Variants in IGF2R observed in about 807,000 individuals in gnomAD.
IGF2R encodes the protein insulin like growth factor 2 receptor, also known as cation-independent mannose-6-phosphate receptor.
Under a neutral mutation model 270.6 loss-of-function variants are expected in IGF2R, and 91 were observed. The observed-to-expected ratio is 0.34, with a 90% confidence interval of 0.28 to 0.40. The LOEUF is 0.40. IGF2R is among the 10% of genes least tolerant of loss of function. The pLI is 1.00. For missense variants in IGF2R, 2,805 were observed against 3,188.3 expected (o/e 0.88, Z 2.90); for synonymous variants, 1,316 against 1,258.9 (o/e 1.05, Z -0.96).
At chr6:160,024,468 A>G (rs1032377328) in intron 4 of IGF2R, 104 bp from the exon 5 acceptor site, 5 of 1,094,776 alleles carry the variant, frequency 4.6e-6, no homozygotes, top group African/African-American at 1.6e-5. Flanking sequence ...ATAGCATGAT[A>G]GTCCCTAAGG....
chr6:160,089,478 C>A (rs961307518), intron 43 of IGF2R, among the ~76,000 whole-genome samples: 10 of 152,232 alleles, frequency 6.6e-5, no homozygotes. Context: ...AATAAATCCC[C>A]CGTCCTTCTC....
intron 19 of IGF2R, among the ~76,000 whole-genome samples, chr6:160,054,986 C>G (rs574090630): frequency 6.6e-6 from 1 of 152,210 alleles, no homozygotes; most frequent in Admixed American, 6.5e-5. Context: ...GGCTAACACT[C>G]TTTTTCCTGA....
chr6:160,087,055 T>C lies in IGF2R; in HGVS notation c.6206-978T>C, dbSNP rs546788574. Among the ~76,000 whole-genome samples, 7 of 152,292 alleles carry C rather than the reference T, an allele frequency of 4.6e-5. No individual in the cohort carries two copies. The South Asian group carries it at 1.5e-3, about 32-fold the overall frequency. ...GAGAGTTGGAACCTGGCGGCCATGC[T>C]GCCCCAGTGATACCTGCAGCTTAAA... On this transcript the variant is annotated intron_variant, in intron 41 of 47. Transcript: ENST00000356956.
At position 160,058,079 on chromosome 6, in the gene IGF2R, C is replaced by T; in HGVS notation, c.2853C>T (p.Asn951=). The T allele has an allele frequency of 6.2e-7, 1 of 1,613,670 alleles. No individual in the cohort carries two copies. Among genetic ancestry groups the T allele is most frequent in the Non-Finnish European group, 8.5e-7 (1 of 1,179,592 alleles). Reference sequence around the variant, plus strand: ...TTGTGTTTAATCTTAATCCGCTAAACAGTTCGCAAGGATATAACGTCTCTG... The same window carrying T: ...TTGTGTTTAATCTTAATCCGCTAAATAGTTCGCAAGGATATAACGTCTCTG... ...SGFVFNLNPL[N]SSQGYNVSGI... is the part of the protein sequence containing the mutation. The change falls in exon 21 of 48, where the codon AAC becomes AAT. Residue 951 remains asparagine, a synonymous_variant. Coordinates refer to ENST00000356956, the MANE Select transcript of IGF2R (RefSeq NM_000876.4).
chr6:160,024,107 G>T (rs1453763515), intron 4 of IGF2R, among the ~76,000 whole-genome samples: 1 of 152,196 alleles, frequency 6.6e-6, no homozygotes, highest in East Asian at 1.9e-4. Context: ...CTGGTAAGCG[G>T]GGTTTTGCTG....
intron 2 of IGF2R, among the ~76,000 whole-genome samples, chr6:160,002,446 G>A (rs896649067): frequency 2.0e-5 from 3 of 152,096 alleles, no homozygotes; most frequent in South Asian, 2.1e-4. Flanking sequence ...TTCATTGAGC[G>A]GCAGTGGATC....
chr6:160,056,525 G>C lies in IGF2R; in HGVS notation c.2796G>C (p.Gln932His). Residue 932 changes from glutamine (Q) to histidine (H), a missense_variant and splice_region_variant, in exon 20 of 48, where the codon CAG (glutamine) becomes CAC (histidine). By Grantham distance (24) the Gln-to-His change is conservative. This residue lies in a region of IGF2R where 1,851 missense variants were observed against 2,207.2 expected (regional missense o/e 0.84). Coordinates refer to ENST00000356956, the MANE Select transcript of IGF2R (RefSeq NM_000876.4). Reference sequence around the variant, plus strand: ...TTCAGACAACGACGGATACAGACCAGGTACGTGTGCTTTCACCTGGCCCTC... The same window carrying C: ...TTCAGACAACGACGGATACAGACCACGTACGTGTGCTTTCACCTGGCCCTC... ...CPIQTTTDTD[Q>H]ACSIRDPNSG... 6.2e-7 allele frequency: 1 copy of C among 1,604,446 alleles called. No homozygotes were observed. The highest frequency in any genetic ancestry group is 8.5e-7 in the Non-Finnish European group (1 of 1,171,204).
intron 37 of IGF2R, among the ~76,000 whole-genome samples, chr6:160,078,618 C>T (rs1778907062): frequency 6.6e-6 from 1 of 152,154 alleles, no homozygotes; most frequent in Admixed American, 6.5e-5. Context: ...GATAAGTAAC[C>T]TCATGAGGCG....
chr6:159,980,855 A>G (rs568900848), intron 1 of IGF2R, among the ~76,000 whole-genome samples: 1 of 152,210 alleles, frequency 6.6e-6, no homozygotes, highest in Non-Finnish European at 1.5e-5. Context: ...AGACATCCAC[A>G]TGGCAAAGCA....
intron 21 of IGF2R, 94 bp from the exon 22 acceptor site, chr6:160,058,812 T>C (rs1778367365): frequency 5.5e-6 from 6 of 1,088,972 alleles, no homozygotes; most frequent in African/African-American, 1.6e-5. Context: ...AAGAAATGTT[T>C]AACCTAGTGG....
At position 160,083,937 on chromosome 6, in the gene IGF2R, C is replaced by T. The variant is rs757288970; in HGVS notation, c.5834-13C>T. ...ACAGTCTGATCTCTCTCTCTTTTCC[C>T]TACACTCCCCAGCAAACAGCTACCG... On this transcript the variant is annotated splice_polypyrimidine_tract_variant and intron_variant, in intron 39 of 47. Coordinates refer to ENST00000356956, the MANE Select transcript of IGF2R (RefSeq NM_000876.4). The T allele has an allele frequency of 3.0e-5, 47 of 1,587,354 alleles. No individual in the cohort carries two copies. In the South Asian group the frequency reaches 5.0e-4, roughly 17 times the overall value.
chr6:160,002,246 C>T (rs1784141583), intron 2 of IGF2R, among the ~76,000 whole-genome samples: 1 of 151,988 alleles, frequency 6.6e-6, no homozygotes, highest in Non-Finnish European at 1.5e-5. Context: ...AAAAAATTAG[C>T]CAGGCATGGT....
chr6:160,078,883 G>A (rs1232619116), intron 37 of IGF2R, among the ~76,000 whole-genome samples: 3 of 152,210 alleles, frequency 2.0e-5, no homozygotes, highest in Non-Finnish European at 4.4e-5. Flanking sequence ...GCCCTGGCGT[G>A]TGCTGATTCT....
chr6:160,009,687 A>G (rs1248230252), intron 3 of IGF2R, among the ~76,000 whole-genome samples: 1 of 152,170 alleles, frequency 6.6e-6, no homozygotes, highest in Non-Finnish European at 1.5e-5. Flanking sequence ...GTTGATTTTA[A>G]TCTTTAGTTT....
At chr6:159,989,246 A>G (rs1783939449) in intron 1 of IGF2R, among the ~76,000 whole-genome samples, 1 of 152,130 alleles carries the variant, frequency 6.6e-6, no homozygotes, top group Non-Finnish European at 1.5e-5. Context: ...CTCGTCTTCC[A>G]GTGACCCCAC....
In IGF2R at chr6:160,073,785, C is replaced by G; in HGVS notation, c.4976C>G (p.Ser1659Cys). Reference sequence around the variant, plus strand: ...GAATGTTCCGTGAGGAATGGAAGCTCTATTGTTGACTTGTCTCCCCTTATT... The same window carrying G: ...GAATGTTCCGTGAGGAATGGAAGCTGTATTGTTGACTTGTCTCCCCTTATT... The part of the protein sequence containing the change: ...ATECSVRNGS[S>C]IVDLSPLIHR... The change falls in exon 35 of 48, where the codon TCT becomes TGT. Residue 1659 changes from serine to cysteine, a missense_variant. This residue lies in a region of IGF2R where 1,851 missense variants were observed against 2,207.2 expected (regional missense o/e 0.84). Transcript: ENST00000356956. 1 of 1,614,136 alleles carries G rather than the reference C, an allele frequency of 6.2e-7. No individual in the cohort carries two copies. The highest frequency in any genetic ancestry group is 8.5e-7 in the Non-Finnish European group (1 of 1,179,990).
rs1583293531 is a variant in IGF2R at position 160,073,965 on chromosome 6, G to C, written c.5156G>C (p.Gly1719Ala). 2 of 1,611,004 alleles carry C rather than the reference G, an allele frequency of 1.2e-6. No individual in the cohort carries two copies. The highest frequency in any genetic ancestry group is 1.7e-6 in the Non-Finnish European group (2 of 1,178,048). The change falls in exon 35 of 48, where the codon GGT becomes GCT. Residue 1719 changes from glycine to alanine, a missense_variant. Physicochemically the swap from Gly to Ala is moderately conservative, Grantham distance 60. Coordinates refer to ENST00000356956, the MANE Select transcript of IGF2R (RefSeq NM_000876.4). ...GCTGTGTGCAAAGTTCCTATTGATG[G>C]TCCCCCCATAGTAAGTATGACAAAT... ...GAAVCKVPID[G>A]PPIDIGRVAG...
chr6:160,021,800 G>C (rs1421338040), intron 4 of IGF2R, among the ~76,000 whole-genome samples: 1 of 152,108 alleles, frequency 6.6e-6, no homozygotes, highest in Non-Finnish European at 1.5e-5. Flanking sequence ...AAATTAGAAT[G>C]ACCTTTATGG....
intron 6 of IGF2R, 135 bp from the exon 7 acceptor site, chr6:160,029,415 A>T: frequency 1.8e-6 from 1 of 549,982 alleles, no homozygotes; most frequent in Non-Finnish European, 3.3e-6. Flanking sequence ...TACCATATCT[A>T]CTTTTATATT....
Sources: allele counts gnomAD v4.1 joint callset (sites outside exome capture counted in the v4.1 genomes callset), GRCh38; gene constraint gnomAD v4.1.1; regional missense constraint gnomAD v4.1.1; transcripts MANE v1.5; gene names NCBI Gene and HGNC (gene_info 2026-07-23, HGNC 2026-07-21).